TSPAN11: variants seen among roughly 807,000 people sequenced by gnomAD.
The protein encoded by TSPAN11 is tetraspanin 11, also known as tetraspanin-11.
Under a neutral mutation model 32.9 loss-of-function variants are expected in TSPAN11, and 29 were observed. The ratio of observed to expected loss-of-function variants is 0.88; its 90% CI spans 0.66 to 1.20. The LOEUF (loss-of-function observed/expected upper bound fraction) is 1.20, where lower values mean the gene tolerates loss of function less well. Ranked by LOEUF, TSPAN11 falls within the 50% of genes most tolerant of loss-of-function variation. The probability of loss-of-function intolerance (pLI) is 0.00; values close to 1 mark genes in which losing one functional copy is unlikely to be tolerated. For missense variants in TSPAN11, 283 were observed against 329.1 expected (o/e 0.86, Z 1.08); for synonymous variants, 140 against 141.3 (o/e 0.99, Z 0.07).
In TSPAN11 at chr12:30,992,745, TA is replaced by T. The variant is rs1450312518; in HGVS notation, c.*832del. ...CAGGTTTCAGACCATCTTCAGCACC[TA>T]ATGTTGATGGGTGTCAAACATCTCC... On this transcript the variant is annotated 3_prime_UTR_variant, in exon 8 of 8. Transcript: ENST00000546076. 2 of 152,312 alleles carry T rather than the reference TA, an allele frequency of 1.3e-5. No individual in the cohort carries two copies. The highest frequency in any genetic ancestry group is 2.9e-5 in the Non-Finnish European group (2 of 68,112). The allele number at this position is 152,312 out of a possible 1,614,324, so 9.4% of individuals were successfully genotyped here.
intron 1 of TSPAN11, among the ~76,000 whole-genome samples, chr12:30,948,101 C>G (rs1178930230): frequency 6.6e-6 from 1 of 152,220 alleles, no homozygotes; most frequent in Non-Finnish European, 1.5e-5. Flanking sequence ...GACTCCAGCT[C>G]TCACATCCAG....
intron 7 of TSPAN11, among the ~76,000 whole-genome samples, chr12:30,986,424 G>T (rs900074289): frequency 6.6e-6 from 1 of 152,176 alleles, no homozygotes; most frequent in African/African-American, 2.4e-5. Context: ...GAAATATCAC[G>T]TAGGAGCCCA....
At chr12:30,963,721 A>T in intron 2 of TSPAN11, 105 bp from the exon 3 acceptor site, 1 of 1,264,626 alleles carries the variant, frequency 7.9e-7, no homozygotes, top group Non-Finnish European at 1.1e-6. Context: ...TGGAGGACTG[A>T]ATGAGCCAGT....
intron 3 of TSPAN11, among the ~76,000 whole-genome samples, chr12:30,977,312 G>A (rs777449376): frequency 1.4e-5 from 2 of 144,648 alleles, no homozygotes; most frequent in South Asian, 2.1e-4. Context: ...ACCCGCCACC[G>A]TATCCCCCCT....
At chr12:30,963,713 G>T (rs1006928037) in intron 2 of TSPAN11, 113 bp from the exon 3 acceptor site, 2 of 1,175,068 alleles carry the variant, frequency 1.7e-6, no homozygotes, top group Non-Finnish European at 2.4e-6. Flanking sequence ...GCCTCCTTTG[G>T]AGGACTGAAT....
Position 30,963,927 on chromosome 12 carries a change from C to T in TSPAN11, c.186C>T (p.Tyr62=), listed in dbSNP as rs1360451502. 6.2e-7 allele frequency: 1 copy of T among 1,613,992 alleles called. No individual in the cohort carries two copies. The highest frequency in any genetic ancestry group is 8.5e-7 in the Non-Finnish European group (1 of 1,179,924). The change falls in exon 3 of 8, where the codon TAC becomes TAT. Residue 62 remains tyrosine (Y), a synonymous_variant. Coordinates refer to ENST00000546076, the MANE Select transcript of TSPAN11 (RefSeq NM_001370302.1). ...LASSTFAASA[Y]ILIFAGVLVM... ...CCAGCACCTTTGCCGCCTCCGCCTA[C>T]ATCCTCATCTTTGCGGGCGTACTTG...
At chr12:30,936,381 A>G (rs1938044911) in intron 1 of TSPAN11, among the ~76,000 whole-genome samples, 1 of 152,210 alleles carries the variant, frequency 6.6e-6, no homozygotes, top group Non-Finnish European at 1.5e-5. Flanking sequence ...GGGAATCTCT[A>G]GCACCTAGCA....
At chr12:30,948,691 C>G (rs945669115) in intron 1 of TSPAN11, among the ~76,000 whole-genome samples, 1 of 152,214 alleles carries the variant, frequency 6.6e-6, no homozygotes, top group Non-Finnish European at 1.5e-5. Context: ...ACTTCTGGGC[C>G]TGTGATGGGA....
intron 1 of TSPAN11, among the ~76,000 whole-genome samples, chr12:30,935,395 T>G (rs1292688625): frequency 6.7e-6 from 1 of 149,256 alleles, no homozygotes; most frequent in African/African-American, 2.5e-5. Flanking sequence ...TTTTTTTTTT[T>G]TTTTGGAGAT....
chr12:30,947,163 C>T (rs1938285915), intron 1 of TSPAN11, among the ~76,000 whole-genome samples: 1 of 152,182 alleles, frequency 6.6e-6, no homozygotes, highest in African/African-American at 2.4e-5. Context: ...CTACTGCAGC[C>T]ATTACCATGC....
At chr12:30,954,114 C>G (rs1416272997) in intron 2 of TSPAN11, 39 bp downstream of exon 2, 13 of 1,493,240 alleles carry the variant, frequency 8.7e-6, no homozygotes, top group Non-Finnish European at 7.5e-6. Flanking sequence ...TCCCCGAGCA[C>G]TGAATGAGTC....
chr12:30,956,386 C>T (rs777552692), intron 2 of TSPAN11, among the ~76,000 whole-genome samples: 2 of 152,150 alleles, frequency 1.3e-5, no homozygotes, highest in African/African-American at 2.4e-5. Flanking sequence ...TCCTTCTTTT[C>T]GTTTTTAGTG....
rs1486072694 is a variant in TSPAN11, at chr12:30,942,797, A to T, written c.-11-11184A>T. ...AACATGTCTCTCAGGGCATAGAGAC[A>T]AAGAATTCTTAGTGCTAGGGTTTTA... On this transcript the variant is annotated intron_variant, in intron 1 of 7. Transcript: ENST00000546076. 3.3e-5 allele frequency among the ~76,000 whole-genome samples: 5 copies of T among 152,216 alleles called. No individual in the cohort carries two copies. The East Asian group carries it at 9.7e-4, about 29-fold the overall frequency.
intron 1 of TSPAN11, among the ~76,000 whole-genome samples, chr12:30,944,452 C>T (rs144504990): frequency 9.4e-4 from 143 of 152,290 alleles, no homozygotes; most frequent in African/African-American, 3.2e-3. Context: ...TTAGATTTCA[C>T]ATGTGAGTAA....
intron 5 of TSPAN11, among the ~76,000 whole-genome samples, chr12:30,982,045 T>G (rs1176870039): frequency 6.6e-6 from 1 of 152,180 alleles, no homozygotes; most frequent in East Asian, 1.9e-4. Flanking sequence ...GGTCTCCCAG[T>G]GCCATGGGCG....
chr12:31,014,758 A>G, the TSPAN11 span, among the ~76,000 whole-genome samples: 1 of 152,236 alleles, frequency 6.6e-6, no homozygotes, highest in Non-Finnish European at 1.5e-5. Flanking sequence ...TTACTTTAGT[A>G]TACATCATGT....
At chr12:30,973,613 G>A (rs2140299288) in intron 3 of TSPAN11, among the ~76,000 whole-genome samples, 1 of 152,272 alleles carries the variant, frequency 6.6e-6, no homozygotes, top group Admixed American at 6.5e-5. Flanking sequence ...CCTAAGCCAT[G>A]GGCCAGTGAT....
intron 1 of TSPAN11, among the ~76,000 whole-genome samples, chr12:30,941,189 C>T (rs1938155880): frequency 6.6e-6 from 1 of 152,196 alleles, no homozygotes; most frequent in African/African-American, 2.4e-5. Flanking sequence ...TTGCAGGATG[C>T]AAAACCCATA....
At chr12:30,974,449 G>C (rs1938918636) in intron 3 of TSPAN11, among the ~76,000 whole-genome samples, 1 of 152,202 alleles carries the variant, frequency 6.6e-6, no homozygotes, top group African/African-American at 2.4e-5. Context: ...AGAACCACTG[G>C]TGTAAATTTA....
Sources: allele counts gnomAD v4.1 joint callset (sites outside exome capture counted in the v4.1 genomes callset), GRCh38; gene constraint gnomAD v4.1.1; transcripts MANE v1.5; gene names NCBI Gene and HGNC (gene_info 2026-07-23, HGNC 2026-07-21).